Variants in ADAMTS2 observed in about 807,000 individuals in gnomAD.
ADAMTS2 encodes the protein ADAM metallopeptidase with thrombospondin type 1 motif 2.
ADAMTS2 carries 50 observed loss-of-function variants against 123.0 expected under a neutral mutation model. The ratio of observed to expected loss-of-function variants is 0.41; its 90% CI spans 0.32 to 0.51. The LOEUF is 0.51. Among genes scored for constraint, ADAMTS2 ranks in the 20% least tolerant of loss-of-function variants. ADAMTS2 has a pLI of 0.35. For missense variants in ADAMTS2, 1,494 were observed against 1,705.2 expected (o/e 0.88, Z 2.18); for synonymous variants, 678 against 695.4 (o/e 0.98, Z 0.39).
Position 179,138,236 on chromosome 5 carries a change from C to T in ADAMTS2, c.1776-292G>A, listed in dbSNP as rs34447103. Among the ~76,000 whole-genome samples the T allele has an allele frequency of 0.21, 32,159 of 152,136 alleles. 3,814 individuals carry two copies. The highest frequency in any genetic ancestry group is 0.34 in the East Asian group (1,754 of 5,150). The stretch of plus-strand genomic sequence containing the variant: ...TCTGCTCACAGCCCTGGTGCCACCT[C>T]CTCCCCAGCACTGATGCCTGGGCTT... On this transcript the variant is annotated intron_variant, in intron 11 of 21. Coordinates refer to ENST00000251582, the MANE Select transcript of ADAMTS2 (RefSeq NM_014244.5).
intron 17 of ADAMTS2, among the ~76,000 whole-genome samples, chr5:179,127,366 G>C (rs1017524498): frequency 6.6e-6 from 1 of 152,130 alleles, no homozygotes; most frequent in Non-Finnish European, 1.5e-5. Flanking sequence ...TCCAGGTGTG[G>C]GCCCAGCATG....
At chr5:179,270,387 C>T (rs931902917) in intron 3 of ADAMTS2, among the ~76,000 whole-genome samples, 1 of 152,326 alleles carries the variant, frequency 6.6e-6, no homozygotes, top group East Asian at 1.9e-4. Context: ...GTGCTTCACA[C>T]CCACTTCCAG....
chr5:179,122,202 A>C (rs1322552797), intron 20 of ADAMTS2, among the ~76,000 whole-genome samples: 2 of 152,182 alleles, frequency 1.3e-5, no homozygotes, highest in Admixed American at 1.3e-4. Flanking sequence ...TGTGGCAGGC[A>C]CGGTCCAGTC....
chr5:179,280,194 G>A (rs1766851941), intron 2 of ADAMTS2, among the ~76,000 whole-genome samples: 1 of 152,066 alleles, frequency 6.6e-6, no homozygotes, highest in Non-Finnish European at 1.5e-5. Context: ...TCTCTTTTTT[G>A]GCCTAAGCTG....
chr5:179,232,143 T>C (rs796188648), intron 3 of ADAMTS2, among the ~76,000 whole-genome samples: 1 of 152,216 alleles, frequency 6.6e-6, no homozygotes, highest in African/African-American at 2.4e-5. Context: ...ATCCTGGACT[T>C]TGGTGCCCTC....
intron 3 of ADAMTS2, among the ~76,000 whole-genome samples, chr5:179,270,827 G>A (rs1024679940): frequency 2.0e-5 from 3 of 152,202 alleles, no homozygotes; most frequent in African/African-American, 7.2e-5. Flanking sequence ...AGCCCCTCAT[G>A]CAGGGTCTGC....
Position 179,203,297 on chromosome 5 carries a change from G to T in ADAMTS2, c.891+4216C>A, listed in dbSNP as rs191902030. 4.3e-3 allele frequency among the ~76,000 whole-genome samples: 661 copies of T among 152,336 alleles called. 9 individuals carry two copies. Among genetic ancestry groups the T allele is most frequent in the African/African-American group, 0.015 (642 of 41,580 alleles). ...GTTCAGTGGGCAGCTCATTGCCCAGGGCTGGCCCCCAGACCCCGGGCTCTG... is the reference window on the plus strand; with the variant it reads ...GTTCAGTGGGCAGCTCATTGCCCAGTGCTGGCCCCCAGACCCCGGGCTCTG... On this transcript the variant is annotated intron_variant, in intron 4 of 21. Coordinates refer to ENST00000251582, the MANE Select transcript of ADAMTS2 (RefSeq NM_014244.5).
Position 179,202,351 on chromosome 5 carries a change from G to A in ADAMTS2, c.891+5162C>T, listed in dbSNP as rs375345625. On this transcript the variant is annotated intron_variant, in intron 4 of 21. Transcript: ENST00000251582. This position sits in a 1 kb window ranked among gnomAD's most constrained non-coding sequence, Gnocchi z 4.0. Reference sequence around the variant, plus strand: ...CCTCTTCCCACATCCTTCCGTTGTCGTGAGCCTCTGCTCCCGTGATATCTC... The same window carrying A: ...CCTCTTCCCACATCCTTCCGTTGTCATGAGCCTCTGCTCCCGTGATATCTC... 2.0e-5 allele frequency among the ~76,000 whole-genome samples: 3 copies of A among 151,922 alleles called. No homozygotes were observed. Among genetic ancestry groups the A allele is most frequent in the African/African-American group, 4.8e-5 (2 of 41,318 alleles).
chr5:179,171,314 G>C lies in ADAMTS2; in HGVS notation c.975+9758C>G, dbSNP rs532862660. Among the ~76,000 whole-genome samples the C allele has an allele frequency of 2.0e-5, 3 of 152,156 alleles. No homozygotes were observed. In the South Asian group the frequency reaches 6.2e-4, roughly 32 times the overall value. On this transcript the variant is annotated intron_variant, in intron 5 of 21. Transcript: ENST00000251582. ...CCCACAGACGCTGCTCCCAAGCCCT[G>C]TGGCCCACAGCACATTCGCTAAGTC...
At chr5:179,338,099 C>T (rs758585650) in intron 2 of ADAMTS2, among the ~76,000 whole-genome samples, 1 of 152,208 alleles carries the variant, frequency 6.6e-6, no homozygotes, top group Non-Finnish European at 1.5e-5. Flanking sequence ...TTACCAGTGC[C>T]AGAAACATAC....
intron 2 of ADAMTS2, among the ~76,000 whole-genome samples, chr5:179,280,863 TTCTTC>T (rs1372231394): frequency 2.0e-5 from 3 of 152,194 alleles, no homozygotes; most frequent in African/African-American, 2.4e-5. Context: ...AATGCTTTTT[TTCTTC>T]TTTTTTTGAG....
chr5:179,334,287 G>A (rs992337453), intron 2 of ADAMTS2, among the ~76,000 whole-genome samples: 4 of 152,200 alleles, frequency 2.6e-5, no homozygotes, highest in Non-Finnish European at 5.9e-5. Flanking sequence ...GTGCGTAAAT[G>A]GGGACTGGGT....
At chr5:179,195,688 G>A (rs370816166) in intron 4 of ADAMTS2, among the ~76,000 whole-genome samples, 11 of 152,334 alleles carry the variant, frequency 7.2e-5, no homozygotes, top group Non-Finnish European at 1.2e-4. Context: ...CTGTGAGCAC[G>A]TGAGGGCACT....
At position 179,158,632 on chromosome 5, in the gene ADAMTS2, T is replaced by C; in HGVS notation, c.1132+91A>G. The C allele has an allele frequency of 6.3e-7, 1 of 1,576,642 alleles. No homozygotes were observed. The highest frequency in any genetic ancestry group is 8.7e-7 in the Non-Finnish European group (1 of 1,151,450). ...CCTTCCCTGCCCTGACACTCTTCCCTGGGCTGGGCCAAGGCTCCCGGGGCC... is the reference window on the plus strand; with the variant it reads ...CCTTCCCTGCCCTGACACTCTTCCCCGGGCTGGGCCAAGGCTCCCGGGGCC... On this transcript the variant is annotated intron_variant, in intron 6 of 21. Transcript: ENST00000251582. The surrounding 1 kb of genome is among the most constrained non-coding windows in gnomAD (Gnocchi z 5.0).
intron 21 of ADAMTS2, 40 bp from the exon 22 acceptor site, chr5:179,114,364 T>G: frequency 1.9e-6 from 3 of 1,584,478 alleles, no homozygotes; most frequent in Non-Finnish European, 2.6e-6. Context: ...AAGGACAAGA[T>G]AAGGGGGACT....
chr5:179,192,348 G>A (rs1247638160), intron 4 of ADAMTS2, among the ~76,000 whole-genome samples: 1 of 152,242 alleles, frequency 6.6e-6, no homozygotes, highest in Non-Finnish European at 1.5e-5. Context: ...CAGTCATGCA[G>A]GGTGCTTTCC....
At chr5:179,265,220 GGTCAGGCTT>G (rs1438395013) in intron 3 of ADAMTS2, among the ~76,000 whole-genome samples, 2 of 152,216 alleles carry the variant, frequency 1.3e-5, no homozygotes, top group Non-Finnish European at 2.9e-5. Context: ...CCATCCTCCG[GGTCAGGCTT>G]GTCACCTGCC....
rs1274630813 is a variant in ADAMTS2 at position 179,242,213 on chromosome 5, C to G, written c.688+30698G>C. Among the ~76,000 whole-genome samples, 1 of 152,202 alleles carries G rather than the reference C, an allele frequency of 6.6e-6. No homozygotes were observed. Among genetic ancestry groups the G allele is most frequent in the African/African-American group, 2.4e-5 (1 of 41,432 alleles). ...AGTCTCTGCAGAAGAGAGCCAAGTC[C>G]TAGGAGGAGGAGAGACGCTGAGCCT... On this transcript the variant is annotated intron_variant, in intron 3 of 21. Coordinates refer to ENST00000251582, the MANE Select transcript of ADAMTS2 (RefSeq NM_014244.5). The surrounding 1 kb of genome is among the most constrained non-coding windows in gnomAD (Gnocchi z 4.2).
In ADAMTS2 at chr5:179,320,910, A is replaced by T. The variant is rs567373409; in HGVS notation, c.534+22857T>A. The stretch of plus-strand genomic sequence containing the variant: ...CTGCATCCATTTTTCTGCCTCAGAG[A>T]AGAGCAGGCCTGAGAGTGAAATCGA... On this transcript the variant is annotated intron_variant, in intron 2 of 21. Coordinates refer to ENST00000251582, the MANE Select transcript of ADAMTS2 (RefSeq NM_014244.5). Among the ~76,000 whole-genome samples, 10 of 152,290 alleles carry T rather than the reference A, an allele frequency of 6.6e-5. No homozygotes were observed. The East Asian group carries it at 1.9e-3, about 29-fold the overall frequency.
Sources: allele counts gnomAD v4.1 joint callset (sites outside exome capture counted in the v4.1 genomes callset), GRCh38; gene constraint gnomAD v4.1.1; non-coding constraint Gnocchi (gnomAD v3.1); transcripts MANE v1.5; gene names NCBI Gene and HGNC (gene_info 2026-07-23, HGNC 2026-07-21).